Variants in SNX29 observed in about 807,000 individuals in gnomAD.
SNX29 encodes sorting nexin 29, also known as sorting nexin-29.
A neutral mutation model predicts 102.1 loss-of-function variants in SNX29; 78 were observed. The ratio of observed to expected loss-of-function variants is 0.76; its 90% CI spans 0.64 to 0.92. SNX29 has a LOEUF of 0.92. SNX29 is among the 40% of genes least tolerant of loss of function. The pLI is 0.00. For synonymous variants in SNX29, 580 were observed against 414.5 expected, an observed-to-expected ratio of 1.40 and a Z score of -4.85; for missense variants, 1,280 against 1,061.7, an observed-to-expected ratio of 1.21 and a Z score of -2.86.
chr16:12,402,272 G>A (rs1288643998), intron 17 of SNX29, among the ~76,000 whole-genome samples: 1 of 152,260 alleles, frequency 6.6e-6, no homozygotes, highest in Non-Finnish European at 1.5e-5. Context: ...AAGGGTTATT[G>A]TCATTGTGAA....
At chr16:12,566,708 T>TC (rs2079026318) in intron 20 of SNX29, among the ~76,000 whole-genome samples, 1 of 148,528 alleles carries the variant, frequency 6.7e-6, no homozygotes. Context: ...GGGTCCCCCA[T>TC]CCTTTGAAGA....
At chr16:12,086,914 G>A (rs550559174) in intron 11 of SNX29, 4 of 152,232 alleles carry the variant, frequency 2.6e-5, no homozygotes, top group Admixed American at 1.3e-4. Flanking sequence ...CCAGAGTAAT[G>A]GAGGCTGACA....
Position 12,180,545 on chromosome 16 carries a change from G to A in SNX29, c.1596-19056G>A, listed in dbSNP as rs137888265. ...GTCGCCCAGGCTGGAGTGCAGTGGC[G>A]CGATCTCGGCTCACTGCAAGCTACG... On this transcript the variant is annotated intron_variant, in intron 13 of 20. Transcript: ENST00000566228. Among the ~76,000 whole-genome samples, 905 of 151,704 alleles carry A rather than the reference G, an allele frequency of 6.0e-3. 7 individuals carry two copies. The highest frequency in any genetic ancestry group is 0.021 in the African/African-American group (861 of 41,346).
intron 15 of SNX29, among the ~76,000 whole-genome samples, chr16:12,324,858 C>A (rs2081070239): frequency 6.6e-6 from 1 of 152,082 alleles, no homozygotes; most frequent in Admixed American, 6.5e-5. Flanking sequence ...CTTCTGAAGC[C>A]CCCAAACTCC....
At chr16:12,134,770 A>T (rs1248766887) in intron 13 of SNX29, among the ~76,000 whole-genome samples, 1 of 152,184 alleles carries the variant, frequency 6.6e-6, no homozygotes, top group Non-Finnish European at 1.5e-5. Flanking sequence ...TGCTACACTC[A>T]TCAGGTATCT....
intron 13 of SNX29, among the ~76,000 whole-genome samples, chr16:12,141,180 C>T (rs988193660): frequency 2.5e-4 from 38 of 152,294 alleles, no homozygotes; most frequent in African/African-American, 6.5e-4. Flanking sequence ...CTGGCATAGT[C>T]AGTATATATG....
chr16:12,410,593 G>A (rs955435208), intron 18 of SNX29, among the ~76,000 whole-genome samples: 5 of 152,078 alleles, frequency 3.3e-5, no homozygotes, highest in African/African-American at 1.2e-4. Flanking sequence ...CTGTAGGCAT[G>A]TACCACAATG....
chr16:12,006,375 C>T (rs758886009), intron 3 of SNX29, among the ~76,000 whole-genome samples: 20 of 150,986 alleles, frequency 1.3e-4, no homozygotes, highest in Admixed American at 4.0e-4. Context: ...ATTAGCCAGG[C>T]ATGGTGGCAC....
chr16:12,336,735 A>G (rs950621480), intron 15 of SNX29, among the ~76,000 whole-genome samples: 2 of 152,200 alleles, frequency 1.3e-5, no homozygotes, highest in Non-Finnish European at 2.9e-5. Flanking sequence ...GCTTGAGTCC[A>G]GGAGTTGGAG....
chr16:12,177,109 G>A (rs1340384868), intron 13 of SNX29, among the ~76,000 whole-genome samples: 1 of 151,976 alleles, frequency 6.6e-6, no homozygotes, highest in Admixed American at 6.6e-5. Context: ...CACTACACCC[G>A]GCTAATCATT....
chr16:12,453,958 G>T (rs536511311), intron 18 of SNX29, among the ~76,000 whole-genome samples: 51 of 152,122 alleles, frequency 3.4e-4, no homozygotes, highest in Non-Finnish European at 4.9e-4. Flanking sequence ...GGTTTTTTTT[G>T]TTGTTGTTTT....
At chr16:12,554,787 A>G (rs1176379947) in intron 20 of SNX29, among the ~76,000 whole-genome samples, 1 of 152,146 alleles carries the variant, frequency 6.6e-6, no homozygotes, top group Non-Finnish European at 1.5e-5. Flanking sequence ...ATAGAATGCA[A>G]TTGTTTATTC....
At chr16:12,373,939 TG>T (rs770425154) in intron 16 of SNX29, 4 of 152,244 alleles carry the variant, frequency 2.6e-5, no homozygotes, top group Non-Finnish European at 5.9e-5. Context: ...TCAATTTAAG[TG>T]GTTTCCAATT....
chr16:12,188,207 C>A (rs957330994), intron 13 of SNX29, among the ~76,000 whole-genome samples: 2 of 152,110 alleles, frequency 1.3e-5, no homozygotes, highest in African/African-American at 4.8e-5. Flanking sequence ...TACCATATGC[C>A]AGACACTTTA....
chr16:12,332,804 C>T (rs531788838), intron 15 of SNX29, among the ~76,000 whole-genome samples: 2 of 152,254 alleles, frequency 1.3e-5, no homozygotes, highest in South Asian at 4.2e-4. Flanking sequence ...TCCTCACGGT[C>T]CTGTCTGCTC....
At chr16:12,397,121 G>A (rs1235913129) in intron 16 of SNX29, among the ~76,000 whole-genome samples, 2 of 152,106 alleles carry the variant, frequency 1.3e-5, no homozygotes, top group Non-Finnish European at 2.9e-5. Flanking sequence ...TTGAACTCCT[G>A]GGCTCAAGCA....
At chr16:12,515,662 G>A (rs2089831990) in intron 19 of SNX29, 1 of 481,500 alleles carries the variant, frequency 2.1e-6, no homozygotes, top group African/African-American at 2.0e-5. Flanking sequence ...CCATCTCTGT[G>A]CCAGCACTCT....
rs538878524 is a variant in SNX29 at position 12,307,693 on chromosome 16, A to C, written c.1782+29657A>C. On this transcript the variant is annotated intron_variant, in intron 15 of 20. Coordinates refer to ENST00000566228, the MANE Select transcript of SNX29 (RefSeq NM_032167.5). ...GCCGAAGCCTGGAATGGCGTGGAGA[A>C]TCTGTCTTGAGGGCCTGCCTGTCTG... Among the ~76,000 whole-genome samples, 3 of 152,350 alleles carry C rather than the reference A, an allele frequency of 2.0e-5. No individual in the cohort carries two copies. In the East Asian group the frequency reaches 5.8e-4, roughly 29 times the overall value.
At chr16:12,303,276 C>T (rs1249096964) in intron 15 of SNX29, among the ~76,000 whole-genome samples, 5 of 152,194 alleles carry the variant, frequency 3.3e-5, no homozygotes, top group Non-Finnish European at 7.3e-5. Context: ...TGCCCACGAA[C>T]ACCAGGAGAA....
Sources: gnomAD v4.1 joint callset for allele counts (sites outside exome capture counted in the v4.1 genomes callset) on GRCh38, gnomAD v4.1.1 for gene constraint, MANE v1.5 for transcripts, NCBI Gene and HGNC (gene_info 2026-07-23, HGNC 2026-07-21) for gene names.